Variants in COBLL1 observed in about 807,000 individuals in gnomAD.
COBLL1 encodes cordon-bleu protein-like 1.
COBLL1 carries 50 observed loss-of-function variants against 94.8 expected under a neutral mutation model. The ratio of observed to expected loss-of-function variants is 0.53; its 90% CI spans 0.42 to 0.67. COBLL1 has a LOEUF of 0.67. Ranked by LOEUF, COBLL1 falls within the 30% of genes least tolerant of loss-of-function variation. The probability of loss-of-function intolerance (pLI) is 0.00; values close to 1 mark genes in which losing one functional copy is unlikely to be tolerated. For synonymous variants in COBLL1, 448 were observed against 473.8 expected (o/e 0.95, Z 0.71); for missense variants, 1,362 against 1,348.7 (o/e 1.01, Z -0.15).
At chr2:164,751,568 A>T (rs981585756) in intron 2 of COBLL1, among the ~76,000 whole-genome samples, 1 of 152,150 alleles carries the variant, frequency 6.6e-6, no homozygotes, top group Non-Finnish European at 1.5e-5. Flanking sequence ...TTTGGTCTAC[A>T]TTTAATCTTA....
At chr2:164,798,936 C>T (rs1356265607) in intron 2 of COBLL1, among the ~76,000 whole-genome samples, 2 of 143,042 alleles carry the variant, frequency 1.4e-5, no homozygotes, top group Non-Finnish European at 1.5e-5. Flanking sequence ...AGGAGAATGG[C>T]GTGAACCCGG....
intron 2 of COBLL1, among the ~76,000 whole-genome samples, chr2:164,834,562 TAATTA>T (rs1683233788): frequency 6.6e-6 from 1 of 152,244 alleles, no homozygotes; most frequent in South Asian, 2.1e-4. Context: ...AATAAATTTT[TAATTA>T]AACAATTACT....
intron 2 of COBLL1, among the ~76,000 whole-genome samples, chr2:164,774,230 GAA>G (rs1243078862): frequency 6.6e-6 from 1 of 151,982 alleles, no homozygotes; most frequent in Non-Finnish European, 1.5e-5. Context: ...TTTGTAAAAA[GAA>G]AAAAAGAACC....
chr2:164,721,314 T>A (rs3769881), intron 7 of COBLL1, among the ~76,000 whole-genome samples: 8 of 152,194 alleles, frequency 5.3e-5, no homozygotes, highest in Non-Finnish European at 1.0e-4. Flanking sequence ...CAACAATATA[T>A]ACAGTCTCAT....
intron 2 of COBLL1, among the ~76,000 whole-genome samples, chr2:164,812,344 G>A (rs995436259): frequency 6.6e-6 from 1 of 152,002 alleles, no homozygotes; most frequent in Admixed American, 6.6e-5. Context: ...GGCCTACCAT[G>A]TGTGCTAGGT....
chr2:164,752,702 G>A (rs1233135808), intron 2 of COBLL1, among the ~76,000 whole-genome samples: 2 of 152,048 alleles, frequency 1.3e-5, no homozygotes, highest in Non-Finnish European at 2.9e-5. Context: ...TAAACAGGAA[G>A]GCAGATACCA....
intron 9 of COBLL1, among the ~76,000 whole-genome samples, chr2:164,703,977 C>G (rs565117323): frequency 6.8e-4 from 103 of 152,262 alleles, no homozygotes; most frequent in African/African-American, 2.4e-3. Context: ...TATACTGCAA[C>G]AGAAAACATT....
At chr2:164,675,019 T>G (rs778671851) in intron 1 of COBLL1, among the ~76,000 whole-genome samples, 1 of 152,190 alleles carries the variant, frequency 6.6e-6, no homozygotes, top group Non-Finnish European at 1.5e-5. Flanking sequence ...TATGACCACT[T>G]AAAAGTTTCA....
chr2:164,800,200 G>A (rs949931226), intron 2 of COBLL1, among the ~76,000 whole-genome samples: 1 of 152,240 alleles, frequency 6.6e-6, no homozygotes, highest in African/African-American at 2.4e-5. Flanking sequence ...CTTGTATCCA[G>A]AATATATAAA....
At chr2:164,803,582 TAAATA>T (rs141238166) in intron 2 of COBLL1, among the ~76,000 whole-genome samples, 19,160 of 146,138 alleles carry the variant, frequency 0.13, 1,849 homozygotes, top group African/African-American at 0.28. Context: ...AATAAATAAA[TAAATA>T]AAATAAAATA....
At chr2:164,764,742 T>C (rs1022639758) in intron 2 of COBLL1, among the ~76,000 whole-genome samples, 2 of 152,152 alleles carry the variant, frequency 1.3e-5, no homozygotes, top group Non-Finnish European at 2.9e-5. Flanking sequence ...TGGCCCAAGA[T>C]GGGATAATTT....
intron 7 of COBLL1, among the ~76,000 whole-genome samples, chr2:164,719,788 C>T (rs1461640686): frequency 6.6e-6 from 1 of 152,106 alleles, no homozygotes. Flanking sequence ...TTGCAAGGAA[C>T]ATATTCAAAC....
chr2:164,694,660 G>A lies in COBLL1; in HGVS notation c.2732C>T (p.Ser911Phe). 2 of 1,613,800 alleles carry A rather than the reference G, an allele frequency of 1.2e-6. No individual in the cohort carries two copies. The highest frequency in any genetic ancestry group is 1.1e-5 in the South Asian group (1 of 91,062). Residue 911 changes from serine (S) to phenylalanine (F), a missense_variant, in exon 12 of 14, where the codon TCT becomes TTT. Physicochemically the swap from Ser to Phe is radical, Grantham distance 155. Coordinates refer to ENST00000652658, the MANE Select transcript of COBLL1 (RefSeq NM_001365672.2). ...NKEAERDMLP[S>F]PEQTLSPLSK... Reference sequence around the variant, plus strand: ...TAAGGGAGAAAGAGTCTGCTCCGGAGAAGGCAGCATATCCCTTTCTGCCTC... The same window carrying A: ...TAAGGGAGAAAGAGTCTGCTCCGGAAAAGGCAGCATATCCCTTTCTGCCTC...
At position 164,771,352 on chromosome 2, in the gene COBLL1, G is replaced by A. The variant is rs184957612; in HGVS notation, c.42-27477C>T. 5.2e-3 allele frequency among the ~76,000 whole-genome samples: 790 copies of A among 151,892 alleles called. 12 individuals are homozygous for A. Among genetic ancestry groups the A allele is most frequent in the African/African-American group, 0.018 (729 of 41,442 alleles). The stretch of plus-strand genomic sequence containing the variant: ...TCAATTTGATATTCCATCCAAATAT[G>A]TTGTTGTTTAAACAACAGGGTATCA... On this transcript the variant is annotated intron_variant, in intron 2 of 13. Coordinates refer to ENST00000652658, the MANE Select transcript of COBLL1 (RefSeq NM_001365672.2).
At chr2:164,756,090 G>GGA (rs138711663) in intron 2 of COBLL1, among the ~76,000 whole-genome samples, 40,169 of 149,022 alleles carry the variant, frequency 0.27, 5,579 homozygotes, top group East Asian at 0.39. Flanking sequence ...AGGGAGGGAG[G>GGA]GAGAGAGAGA....
intron 2 of COBLL1, among the ~76,000 whole-genome samples, chr2:164,665,386 G>A (rs1691141624): frequency 6.7e-6 from 1 of 149,620 alleles, no homozygotes; most frequent in African/African-American, 2.5e-5. Context: ...CTACTGAAAA[G>A]GGAGCCTGAA....
At chr2:164,711,830 T>C (rs1186820405) in intron 7 of COBLL1, among the ~76,000 whole-genome samples, 1 of 152,180 alleles carries the variant, frequency 6.6e-6, no homozygotes, top group African/African-American at 2.4e-5. Flanking sequence ...GGTTTCTACT[T>C]ACTAGGGGAA....
intron 9 of COBLL1, chr2:164,703,277 C>T: frequency 1.8e-6 from 2 of 1,094,492 alleles, no homozygotes; most frequent in South Asian, 1.4e-5. Context: ...TTAAGGCAAG[C>T]AGAGACCAAG....
chr2:164,737,468 G>C (rs1044477403), intron 3 of COBLL1, among the ~76,000 whole-genome samples: 1 of 152,030 alleles, frequency 6.6e-6, no homozygotes, highest in East Asian at 1.9e-4. Flanking sequence ...TTATGTCTAG[G>C]TACTTGCACA....
Sources: allele counts gnomAD v4.1 joint callset (sites outside exome capture counted in the v4.1 genomes callset), GRCh38; gene constraint gnomAD v4.1.1; transcripts MANE v1.5; gene names NCBI Gene and HGNC (gene_info 2026-07-23, HGNC 2026-07-21).